NECAB2: variants seen among roughly 807,000 people sequenced by gnomAD.
The protein encoded by NECAB2 is N-terminal EF-hand calcium binding protein 2, also known as N-terminal EF-hand calcium-binding protein 2.
A neutral mutation model predicts 51.9 loss-of-function variants in NECAB2; 68 were observed. That is an observed-to-expected ratio of 1.31 (90% CI 1.08 to 1.60). NECAB2 has a LOEUF of 1.60. Among genes scored for constraint, NECAB2 ranks in the 40% most tolerant of loss-of-function variants. The probability of loss-of-function intolerance (pLI) is 0.00; values close to 1 mark genes in which losing one functional copy is unlikely to be tolerated. For missense variants in NECAB2, 854 were observed against 490.3 expected (o/e 1.74, Z -7.00); for synonymous variants, 329 against 203.5 (o/e 1.62, Z -5.25).
intron 5 of NECAB2, 23 bp downstream of exon 5, chr16:83,981,150 C>CAGGGTCCA: frequency 1.4e-6 from 2 of 1,481,196 alleles, no homozygotes; most frequent in African/African-American, 2.4e-5. Flanking sequence ...AGGTGGCCCC[C>CAGGGTCCA]GGGGTCCAGG....
intron 8 of NECAB2, among the ~76,000 whole-genome samples, chr16:83,995,773 G>C (rs574263479): frequency 6.6e-6 from 1 of 152,330 alleles, no homozygotes; most frequent in African/African-American, 2.4e-5. Flanking sequence ...GTGGAATGAA[G>C]TCCGAGGGAG....
At chr16:83,968,229 C>T (rs1449284474), upstream of NECAB2, among the ~76,000 whole-genome samples, 1 of 151,364 alleles carries the variant, frequency 6.6e-6, no homozygotes, top group Non-Finnish European at 1.5e-5. Flanking sequence ...GCTCGCTGGA[C>T]ACCCGCGCTT....
At chr16:83,992,940 T>TA (rs139832842) in intron 6 of NECAB2, among the ~76,000 whole-genome samples, 3,893 of 152,246 alleles carry the variant, frequency 0.026, 159 homozygotes, top group African/African-American at 0.087. Flanking sequence ...GAACAGATAG[T>TA]ATGGCTGCGC....
intron 8 of NECAB2, among the ~76,000 whole-genome samples, chr16:83,996,963 C>T (rs1408866722): frequency 6.6e-6 from 1 of 151,198 alleles, no homozygotes; most frequent in Non-Finnish European, 1.5e-5. Flanking sequence ...TGGCAAACCC[C>T]AGCATCTTGG....
chr16:83,997,975 C>T (rs900660118), intron 9 of NECAB2, among the ~76,000 whole-genome samples: 1 of 152,164 alleles, frequency 6.6e-6, no homozygotes, highest in African/African-American at 2.4e-5. Flanking sequence ...CTGTAAACAA[C>T]CTCGTCTGTT....
intron 8 of NECAB2, among the ~76,000 whole-genome samples, chr16:83,994,938 A>G (rs1447668530): frequency 2.0e-5 from 3 of 152,178 alleles, no homozygotes; most frequent in Admixed American, 2.0e-4. Flanking sequence ...GCGGGCCTGC[A>G]GGCAGCAGGA....
intron 8 of NECAB2, among the ~76,000 whole-genome samples, chr16:83,995,447 C>T (rs1375982845): frequency 6.6e-6 from 1 of 152,046 alleles, no homozygotes; most frequent in African/African-American, 2.4e-5. Flanking sequence ...TAGGATGAAC[C>T]AAAATGATGT....
rs2084817336 is a variant in NECAB2, at chr16:84,000,869, C to T, written c.1040+68C>T. The T allele has an allele frequency of 1.5e-5, 23 of 1,508,120 alleles. No homozygotes were observed. The East Asian group carries it at 1.8e-4, about 12-fold the overall frequency. 93.4% of individuals were successfully genotyped at this position (1,508,120 alleles called of 1,614,324 possible). ...AAGTGGGGGGGCTGTCTTCCTGGAG[C>T]CAGGCATCCTTGGAGGGGAGGGTAA... On this transcript the variant is annotated intron_variant, in intron 11 of 12. Coordinates refer to ENST00000305202, the MANE Select transcript of NECAB2 (RefSeq NM_019065.3).
upstream of NECAB2, chr16:83,966,195 C>T (rs113428742): frequency 6.2e-5 from 36 of 584,512 alleles, no homozygotes; most frequent in African/African-American, 4.8e-4. Flanking sequence ...GTGGTAACAG[C>T]GGCCGCAGGC....
chr16:83,966,776 C>G (rs1021699056), upstream of NECAB2, among the ~76,000 whole-genome samples: 1 of 152,232 alleles, frequency 6.6e-6, no homozygotes, highest in Non-Finnish European at 1.5e-5. Flanking sequence ...GCATAAGAAT[C>G]ACTTCCTCTA....
intron 11 of NECAB2, 55 bp downstream of exon 11, chr16:84,000,856 TGTCTTCCTGGAGCCAGGCATCC>T: frequency 6.4e-7 from 1 of 1,569,538 alleles, no homozygotes. Context: ...GTGGGGGGGC[TGTCTTCCTGGAGCCAGGCATCC>T]TTGGAGGGGA....
chr16:84,000,669 T>G lies in NECAB2; in HGVS notation c.963-55T>G, dbSNP rs1282132964. 9 of 1,527,972 alleles carry G rather than the reference T, an allele frequency of 5.9e-6. No homozygotes were observed. The South Asian group carries it at 9.0e-5, about 15-fold the overall frequency. The allele number at this position is 1,527,972 out of a possible 1,614,324, so 94.7% of individuals were successfully genotyped here. A position where few individuals can be genotyped will look rare whatever the true frequency, so the allele number is the denominator to read the frequency against. ...TCAGGCCACCCCAGGGGAACAGCAC[T>G]GAGGTGGCCTTGGTTGAGCTCCAGC... On this transcript the variant is annotated intron_variant, in intron 10 of 12. Transcript: ENST00000305202.
chr16:83,989,872 C>T (rs563184604), intron 5 of NECAB2, among the ~76,000 whole-genome samples: 1 of 152,252 alleles, frequency 6.6e-6, no homozygotes, highest in South Asian at 2.1e-4. Flanking sequence ...TCTGATTTCC[C>T]CCCAGGCTCC....
intron 5 of NECAB2, among the ~76,000 whole-genome samples, chr16:83,983,564 C>G (rs562339405): frequency 1.3e-5 from 2 of 152,208 alleles, no homozygotes; most frequent in Admixed American, 1.3e-4. Context: ...TTTCAAATGC[C>G]TTTTGGTATT....
chr16:83,990,207 G>A (rs918225760), intron 5 of NECAB2, among the ~76,000 whole-genome samples: 12 of 152,094 alleles, frequency 7.9e-5, no homozygotes, highest in African/African-American at 4.8e-5. Flanking sequence ...TTTAATCTTC[G>A]CTACAACCTT....
At chr16:83,989,703 C>T (rs984814715) in intron 5 of NECAB2, among the ~76,000 whole-genome samples, 6 of 152,204 alleles carry the variant, frequency 3.9e-5, no homozygotes, top group African/African-American at 1.4e-4. Context: ...GCTGTAAAGT[C>T]TTTGCAGCCC....
At chr16:83,999,100 C>T (rs554436830) in intron 10 of NECAB2, among the ~76,000 whole-genome samples, 20 of 152,210 alleles carry the variant, frequency 1.3e-4, no homozygotes, top group Non-Finnish European at 2.9e-5. Context: ...AGGCCAGGTC[C>T]TAGCACAGGG....
intron 9 of NECAB2, 109 bp from the exon 10 acceptor site, chr16:83,998,096 G>A: frequency 1.1e-6 from 1 of 924,938 alleles, no homozygotes; most frequent in South Asian, 1.5e-5. Context: ...AAAAGTGGGG[G>A]AGGGTTATTT....
At chr16:83,985,067 C>T (rs953145278) in intron 5 of NECAB2, among the ~76,000 whole-genome samples, 2 of 152,038 alleles carry the variant, frequency 1.3e-5, no homozygotes, top group East Asian at 3.9e-4. Flanking sequence ...TATCCCAGTA[C>T]TTTGGGAGGC....
Sources: gnomAD v4.1 joint callset for allele counts (sites outside exome capture counted in the v4.1 genomes callset) on GRCh38, gnomAD v4.1.1 for gene constraint, MANE v1.5 for transcripts, NCBI Gene and HGNC (gene_info 2026-07-23, HGNC 2026-07-21) for gene names.